The following OPCML variants were observed in gnomAD, a reference collection of about 807,000 sequenced individuals.
OPCML encodes opioid-binding protein/cell adhesion molecule.
A neutral mutation model predicts 37.8 loss-of-function variants in OPCML; 13 were observed. That is an observed-to-expected ratio of 0.34 (90% CI 0.22 to 0.55). The LOEUF is 0.55. OPCML is among the 20% of genes least tolerant of loss of function. OPCML has a pLI of 0.91. For missense variants in OPCML, 341 were observed against 435.6 expected (o/e 0.78, Z 1.93); for synonymous variants, 176 against 168.8 (o/e 1.04, Z -0.33).
chr11:133,041,856 C>A (rs372698495), intron 1 of OPCML, among the ~76,000 whole-genome samples: 15 of 152,286 alleles, frequency 9.8e-5, no homozygotes, highest in African/African-American at 2.6e-4. Context: ...AGAACAGCAA[C>A]CTTTCTGGTC....
chr11:133,434,718 G>A (rs1445632174), intron 1 of OPCML, among the ~76,000 whole-genome samples: 9 of 149,874 alleles, frequency 6.0e-5, no homozygotes, highest in Admixed American at 4.0e-4. Context: ...GGCTTCTACT[G>A]TTGGTAATAT....
chr11:133,094,843 G>C (rs778048387), intron 1 of OPCML, among the ~76,000 whole-genome samples: 9 of 152,042 alleles, frequency 5.9e-5, no homozygotes, highest in Non-Finnish European at 1.3e-4. Context: ...GTTTGAGTTT[G>C]GGAAGATTTC....
intron 1 of OPCML, among the ~76,000 whole-genome samples, chr11:133,426,104 G>C (rs1205419842): frequency 1.3e-5 from 2 of 152,042 alleles, no homozygotes; most frequent in African/African-American, 4.8e-5. Flanking sequence ...TATAGATTCT[G>C]TCTCCCTAAT....
At chr11:133,527,283 T>G (rs1055896253) in intron 1 of OPCML, among the ~76,000 whole-genome samples, 3 of 152,252 alleles carry the variant, frequency 2.0e-5, no homozygotes, top group Non-Finnish European at 4.4e-5. Flanking sequence ...GCCATGTCTG[T>G]TGCCTTAGTT....
chr11:133,089,870 T>A (rs1948877235), intron 1 of OPCML, among the ~76,000 whole-genome samples: 1 of 152,174 alleles, frequency 6.6e-6, no homozygotes, highest in Non-Finnish European at 1.5e-5. Flanking sequence ...AATAAACAGA[T>A]GCTTATTGAG....
intron 1 of OPCML, among the ~76,000 whole-genome samples, chr11:133,250,138 C>T (rs1193243746): frequency 6.6e-6 from 1 of 152,240 alleles, no homozygotes; most frequent in South Asian, 2.1e-4. Context: ...ATTAATGTAA[C>T]TTCAAGCCCC....
At chr11:132,579,006 A>G (rs1483003490) in intron 3 of OPCML, among the ~76,000 whole-genome samples, 1 of 152,222 alleles carries the variant, frequency 6.6e-6, no homozygotes, top group Non-Finnish European at 1.5e-5. Context: ...ATTTTAAGAA[A>G]TAAAATTAGC....
At chr11:132,781,777 C>T (rs1947026839) in intron 2 of OPCML, among the ~76,000 whole-genome samples, 1 of 151,386 alleles carries the variant, frequency 6.6e-6, no homozygotes, top group African/African-American at 2.4e-5. Context: ...CTCTTTGAAA[C>T]CAGCAGAAAA....
At chr11:133,266,385 C>T (rs11223418) in intron 1 of OPCML, among the ~76,000 whole-genome samples, 47,312 of 152,018 alleles carry the variant, frequency 0.31, 8,067 homozygotes, top group East Asian at 0.68. Context: ...ATGACTCCCA[C>T]GTATCCTTTT....
chr11:132,747,580 C>T (rs998150533), intron 2 of OPCML, among the ~76,000 whole-genome samples: 15 of 152,132 alleles, frequency 9.9e-5, no homozygotes, highest in Non-Finnish European at 1.9e-4. Flanking sequence ...CACTGGGAGA[C>T]GGCATCGTGA....
At chr11:132,977,885 T>A (rs1437937160) in intron 1 of OPCML, among the ~76,000 whole-genome samples, 1 of 152,188 alleles carries the variant, frequency 6.6e-6, no homozygotes, top group Non-Finnish European at 1.5e-5. Flanking sequence ...GTTTATGATC[T>A]CATTGGAGAG....
intron 1 of OPCML, among the ~76,000 whole-genome samples, chr11:133,345,320 T>C (rs1210619342): frequency 2.0e-5 from 3 of 152,240 alleles, no homozygotes; most frequent in Admixed American, 2.0e-4. Flanking sequence ...CAGCCAAATG[T>C]ATTTAGAAAA....
intron 4 of OPCML, among the ~76,000 whole-genome samples, chr11:132,521,263 G>A (rs1053303356): frequency 6.6e-6 from 1 of 151,956 alleles, no homozygotes; most frequent in African/African-American, 2.4e-5. Context: ...GTTCCTTATA[G>A]ATTCCTGATA....
chr11:132,789,958 G>A (rs1937785135), intron 2 of OPCML, among the ~76,000 whole-genome samples: 1 of 152,144 alleles, frequency 6.6e-6, no homozygotes, highest in South Asian at 2.1e-4. Context: ...AAGCTCCTAA[G>A]ATATCTCGAA....
chr11:132,900,951 G>C (rs1037230594), intron 2 of OPCML, among the ~76,000 whole-genome samples: 9 of 152,108 alleles, frequency 5.9e-5, no homozygotes, highest in Non-Finnish European at 1.0e-4. Context: ...TCAGCACTTT[G>C]GGATGCCAAG....
intron 1 of OPCML, among the ~76,000 whole-genome samples, chr11:133,456,741 AC>A: frequency 6.6e-6 from 1 of 151,872 alleles, no homozygotes. Context: ...TTTAAAACAA[AC>A]AAATAGAAAT....
intron 2 of OPCML, among the ~76,000 whole-genome samples, chr11:132,822,279 G>A (rs571927948): frequency 1.8e-3 from 267 of 149,668 alleles, no homozygotes; most frequent in Admixed American, 2.8e-3. Flanking sequence ...TCCCCCCACC[G>A]CTTGCCAGAG....
chr11:133,184,621 G>C (rs924404122), intron 1 of OPCML, among the ~76,000 whole-genome samples: 5 of 152,070 alleles, frequency 3.3e-5, no homozygotes, highest in African/African-American at 1.2e-4. Context: ...ATAAAACCCA[G>C]GTCCATTAAA....
At chr11:132,471,198 CA>C (rs1291078669) in intron 4 of OPCML, among the ~76,000 whole-genome samples, 3 of 152,136 alleles carry the variant, frequency 2.0e-5, no homozygotes, top group African/African-American at 7.2e-5. Flanking sequence ...AAGGTGAGGC[CA>C]AAAAACACAG....
Sources: gnomAD v4.1 joint callset for allele counts (sites outside exome capture counted in the v4.1 genomes callset) on GRCh38, gnomAD v4.1.1 for gene constraint, MANE v1.5 for transcripts, NCBI Gene and HGNC (gene_info 2026-07-23, HGNC 2026-07-21) for gene names.